The following EXOC4 variants were observed in gnomAD, a reference collection of about 807,000 sequenced individuals.
EXOC4 encodes the protein SEC8-like 1.
Under a neutral mutation model 107.2 loss-of-function variants are expected in EXOC4, and 71 were observed. That is an observed-to-expected ratio of 0.66 (90% CI 0.55 to 0.81). EXOC4 has a LOEUF of 0.81. EXOC4 is among the 30% of genes least tolerant of loss of function. The pLI is 0.00. For synonymous variants in EXOC4, 456 were observed against 441.2 expected (o/e 1.03, Z -0.42); for missense variants, 1,108 against 1,189.6 (o/e 0.93, Z 1.01).
rs186382713 is a variant in EXOC4 at position 133,366,661 on chromosome 7, C to G, written c.1008-8167C>G. Among the ~76,000 whole-genome samples, 456 of 152,278 alleles carry G rather than the reference C, an allele frequency of 3.0e-3. 3 individuals are homozygous for G. The highest frequency in any genetic ancestry group is 0.01 in the African/African-American group (425 of 41,550). On this transcript the variant is annotated intron_variant, in intron 6 of 17. Coordinates refer to ENST00000253861, the MANE Select transcript of EXOC4 (RefSeq NM_021807.4). Reference sequence around the variant, plus strand: ...ATAATCTATAACACTTACTTTCTTACCACCTCTTATCTGTAATCAGGCCTC... The same window carrying G: ...ATAATCTATAACACTTACTTTCTTAGCACCTCTTATCTGTAATCAGGCCTC...
chr7:133,499,451 T>C (rs1042521174), intron 9 of EXOC4, among the ~76,000 whole-genome samples: 4 of 152,194 alleles, frequency 2.6e-5, no homozygotes, highest in Non-Finnish European at 5.9e-5. Context: ...TATTTAGGAA[T>C]GTATCATAGA....
intron 11 of EXOC4, among the ~76,000 whole-genome samples, chr7:133,822,788 G>A (rs1399567252): frequency 6.6e-6 from 1 of 152,156 alleles, no homozygotes; most frequent in Non-Finnish European, 1.5e-5. Flanking sequence ...AGTTTAAGAA[G>A]CATACTCTTA....
chr7:133,630,224 C>T, intron 10 of EXOC4, 83 bp downstream of exon 10: 1 of 1,057,454 alleles, frequency 9.5e-7, no homozygotes, highest in Non-Finnish European at 1.4e-6. Context: ...GTTGTTGAGT[C>T]AGCACTGAAA....
intron 10 of EXOC4, among the ~76,000 whole-genome samples, chr7:133,654,968 A>G (rs1012458122): frequency 1.3e-5 from 2 of 152,200 alleles, no homozygotes; most frequent in Non-Finnish European, 2.9e-5. Context: ...ATGCAGCTGT[A>G]TAGGTCCTTT....
intron 9 of EXOC4, among the ~76,000 whole-genome samples, chr7:133,541,034 C>T (rs1800369722): frequency 6.6e-6 from 1 of 151,994 alleles, no homozygotes; most frequent in Non-Finnish European, 1.5e-5. Flanking sequence ...AAAACCGTGG[C>T]ACATCTGAAT....
chr7:133,588,309 C>T (rs949314547), intron 9 of EXOC4, among the ~76,000 whole-genome samples: 1 of 152,164 alleles, frequency 6.6e-6, no homozygotes, highest in Non-Finnish European at 1.5e-5. Flanking sequence ...ATTTTCTTTC[C>T]TCCCTTCTTT....
intron 9 of EXOC4, among the ~76,000 whole-genome samples, chr7:133,574,703 T>C (rs1801092127): frequency 6.6e-6 from 1 of 152,200 alleles, no homozygotes; most frequent in South Asian, 2.1e-4. Context: ...TTTCTCACTC[T>C]TGTGAATATC....
intron 14 of EXOC4, among the ~76,000 whole-genome samples, chr7:133,963,479 C>T (rs1393643365): frequency 1.3e-5 from 2 of 152,136 alleles, no homozygotes; most frequent in African/African-American, 2.4e-5. Context: ...GCAAAAGAAA[C>T]GCCAACACCT....
rs73148968 is a variant in EXOC4 at position 133,435,279 on chromosome 7, C to T, written c.1183-40049C>T. Reference sequence around the variant, plus strand: ...AACGTTCCATCGTGCTGAACCAGTCCCAGACTTCCATTAAAAAAAAAATCA... The same window carrying T: ...AACGTTCCATCGTGCTGAACCAGTCTCAGACTTCCATTAAAAAAAAAATCA... On this transcript the variant is annotated intron_variant, in intron 7 of 17. Transcript: ENST00000253861. Among the ~76,000 whole-genome samples, 766 of 152,166 alleles carry T rather than the reference C, an allele frequency of 5.0e-3. 7 individuals are homozygous for T. The highest frequency in any genetic ancestry group is 0.01 in the Middle Eastern group (3 of 294).
intron 11 of EXOC4, among the ~76,000 whole-genome samples, chr7:133,877,339 G>A (rs950007604): frequency 1.3e-5 from 2 of 152,070 alleles, no homozygotes; most frequent in Non-Finnish European, 2.9e-5. Flanking sequence ...TTTATTGGAT[G>A]CTAGACATGC....
At chr7:133,971,246 C>T (rs1316729104) in intron 14 of EXOC4, among the ~76,000 whole-genome samples, 1 of 147,874 alleles carries the variant, frequency 6.8e-6, no homozygotes, top group African/African-American at 2.5e-5. Flanking sequence ...TTACGAAGAC[C>T]AGTAGGGCTT....
At chr7:133,515,931 A>G (rs1292205108) in intron 9 of EXOC4, among the ~76,000 whole-genome samples, 1 of 152,180 alleles carries the variant, frequency 6.6e-6, no homozygotes, top group East Asian at 1.9e-4. Context: ...GCTTTATTGT[A>G]ATTGTGGTTT....
chr7:133,444,703 A>G (rs941327777), intron 7 of EXOC4, among the ~76,000 whole-genome samples: 1 of 152,182 alleles, frequency 6.6e-6, no homozygotes, highest in Non-Finnish European at 1.5e-5. Flanking sequence ...AGAGTGCCAC[A>G]TTAAGATTGA....
At chr7:133,295,154 G>A (rs1326415001) in intron 3 of EXOC4, among the ~76,000 whole-genome samples, 1 of 152,046 alleles carries the variant, frequency 6.6e-6, no homozygotes, top group Non-Finnish European at 1.5e-5. Context: ...GACTTCTTTT[G>A]AGCTAGTAAA....
Position 133,282,198 on chromosome 7 carries a change from G to T in EXOC4, c.277-6724G>T, listed in dbSNP as rs542823315. ...GGGCTGCAAAAATTTCAACTTCTCT[G>T]CCGTCTGTATCATCTCACATTTCTA... On this transcript the variant is annotated intron_variant, in intron 2 of 17. Coordinates refer to ENST00000253861, the MANE Select transcript of EXOC4 (RefSeq NM_021807.4). 1.4e-4 allele frequency among the ~76,000 whole-genome samples: 21 copies of T among 152,216 alleles called. No individual in the cohort carries two copies. The South Asian group carries it at 2.1e-3, about 15-fold the overall frequency.
At chr7:133,302,340 GA>G (rs1230783302) in intron 3 of EXOC4, among the ~76,000 whole-genome samples, 3 of 152,104 alleles carry the variant, frequency 2.0e-5, no homozygotes, top group African/African-American at 7.2e-5. Context: ...CAACTGTGTT[GA>G]CTAGAACATT....
At chr7:133,571,555 A>C (rs934484754) in intron 9 of EXOC4, among the ~76,000 whole-genome samples, 5 of 151,832 alleles carry the variant, frequency 3.3e-5, no homozygotes, top group Non-Finnish European at 5.9e-5. Flanking sequence ...CTGTAGTCCT[A>C]GGTACTTGGG....
chr7:133,473,684 T>C (rs965656485), intron 7 of EXOC4, among the ~76,000 whole-genome samples: 1 of 152,040 alleles, frequency 6.6e-6, no homozygotes, highest in African/African-American at 2.4e-5. Context: ...GTTTCTTGAA[T>C]GCACCAATAT....
intron 6 of EXOC4, 135 bp from the exon 7 acceptor site, chr7:133,374,693 C>A: frequency 1.5e-6 from 1 of 652,078 alleles, no homozygotes; most frequent in Non-Finnish European, 2.5e-6. Flanking sequence ...GAATTCACAT[C>A]TGCTGAAATC....
Sources: allele counts gnomAD v4.1 joint callset (sites outside exome capture counted in the v4.1 genomes callset), GRCh38; gene constraint gnomAD v4.1.1; transcripts MANE v1.5; gene names NCBI Gene and HGNC (gene_info 2026-07-23, HGNC 2026-07-21).